UBE3C: variants seen among roughly 807,000 people sequenced by gnomAD.
The protein encoded by UBE3C is ubiquitin-protein ligase E3C.
In UBE3C, 42 loss-of-function variants were observed where a neutral mutation model predicts 129.4. The observed-to-expected ratio is 0.32, with a 90% CI of 0.25 to 0.42. The LOEUF is 0.42. Ranked by LOEUF, UBE3C falls within the 10% of genes least tolerant of loss-of-function variation. The pLI is 1.00. For missense variants in UBE3C, 1,049 were observed against 1,319.1 expected (o/e 0.80, Z 3.17); for synonymous variants, 510 against 492.4 (o/e 1.04, Z -0.47).
At chr7:157,176,060 C>T (rs1279877524) in intron 5 of UBE3C, among the ~76,000 whole-genome samples, 3 of 152,060 alleles carry the variant, frequency 2.0e-5, no homozygotes, top group African/African-American at 7.2e-5. Flanking sequence ...TGCAAAACAC[C>T]TTTAACGTAA....
intron 10 of UBE3C, chr7:157,197,611 G>C (rs1809158706): frequency 2.5e-6 from 4 of 1,602,790 alleles, no homozygotes; most frequent in Non-Finnish European, 3.4e-6. Flanking sequence ...TATTTTAGTT[G>C]ATGGAGTAAC....
intron 17 of UBE3C, among the ~76,000 whole-genome samples, chr7:157,230,841 G>T (rs753615245): frequency 8.6e-5 from 13 of 151,732 alleles, no homozygotes; most frequent in South Asian, 6.3e-4. Context: ...CCAATTCCCT[G>T]AGAGTTTGTG....
chr7:157,206,271 A>AT (rs1039888288), intron 11 of UBE3C, among the ~76,000 whole-genome samples: 3 of 151,948 alleles, frequency 2.0e-5, no homozygotes, highest in African/African-American at 7.2e-5. Context: ...TTATTTATTT[A>AT]TTTTTTTTGG....
chr7:157,158,255 C>A (rs1345580802), intron 1 of UBE3C, among the ~76,000 whole-genome samples: 1 of 151,850 alleles, frequency 6.6e-6, no homozygotes, highest in Non-Finnish European at 1.5e-5. Flanking sequence ...TATAATGAAG[C>A]CTTTTGAAAA....
chr7:157,175,136 A>ATTTTTTTTTT (rs1808481529), intron 5 of UBE3C, 102 bp downstream of exon 5: 16 of 372,896 alleles, frequency 4.3e-5, no homozygotes, highest in Admixed American at 3.4e-4. Flanking sequence ...GCTTTTCCAT[A>ATTTTTTTTTT]CTTTTTTTTT....
At chr7:157,201,423 T>A (rs1219598065) in intron 10 of UBE3C, among the ~76,000 whole-genome samples, 1 of 151,806 alleles carries the variant, frequency 6.6e-6, no homozygotes, top group Admixed American at 6.6e-5. Flanking sequence ...CAGGTTCAAC[T>A]TGTGCATGAA....
At chr7:157,195,870 G>C (rs1380055088) in intron 10 of UBE3C, among the ~76,000 whole-genome samples, 2 of 152,158 alleles carry the variant, frequency 1.3e-5, no homozygotes, top group Non-Finnish European at 2.9e-5. Context: ...TGGAGTGGTG[G>C]CGGGGCGGGG....
intron 11 of UBE3C, among the ~76,000 whole-genome samples, chr7:157,203,712 AAGAC>A (rs1809353024): frequency 6.6e-6 from 1 of 152,210 alleles, no homozygotes; most frequent in Non-Finnish European, 1.5e-5. Context: ...ATCTTATTAA[AAGAC>A]AGTTTGATAA....
intron 1 of UBE3C, among the ~76,000 whole-genome samples, chr7:157,150,409 C>A (rs1032938166): frequency 1.3e-5 from 2 of 151,692 alleles, no homozygotes; most frequent in Non-Finnish European, 2.9e-5. Flanking sequence ...CAAGATATGT[C>A]CCCTCTAATC....
intron 4 of UBE3C, among the ~76,000 whole-genome samples, 190 bp from the exon 5 acceptor site, chr7:157,174,729 C>T (rs1808468925): frequency 6.6e-6 from 1 of 152,138 alleles, no homozygotes; most frequent in Admixed American, 6.5e-5. Context: ...CAGACGTGAA[C>T]CACTGTGCCT....
chr7:157,170,295 T>G lies in UBE3C; in HGVS notation c.196-9T>G. 6.8e-7 allele frequency: 1 copy of G among 1,473,934 alleles called. No homozygotes were observed. Among genetic ancestry groups the G allele is most frequent in the Non-Finnish European group, 9.0e-7 (1 of 1,112,214 alleles). The allele number at this position is 1,473,934 out of a possible 1,614,324, so 91.3% of individuals were successfully genotyped here. ...ATTTATGGGTCATTTTGTTTTGTTT[T>G]TCTTCCAGTATTCCATCCAAAGAAG... On this transcript the variant is annotated splice_polypyrimidine_tract_variant and intron_variant, in intron 3 of 22. Transcript: ENST00000348165.
chr7:157,182,475 AGT>A, intron 8 of UBE3C, 147 bp downstream of exon 8: 1 of 759,552 alleles, frequency 1.3e-6, no homozygotes, highest in Non-Finnish European at 2.1e-6. Context: ...TGGTCTGGGC[AGT>A]GTGTTCCTGG....
chr7:157,242,838 C>T (rs776536173), intron 18 of UBE3C, among the ~76,000 whole-genome samples: 3 of 152,090 alleles, frequency 2.0e-5, no homozygotes, highest in East Asian at 3.9e-4. Context: ...GGGAGAATCA[C>T]GAGGTCAGGA....
chr7:157,259,699 G>GATCA (rs1166090006), intron 22 of UBE3C, among the ~76,000 whole-genome samples: 1 of 152,176 alleles, frequency 6.6e-6, no homozygotes, highest in Non-Finnish European at 1.5e-5. Flanking sequence ...ACACAGAGCG[G>GATCA]GTCAGGGGCT....
In UBE3C at chr7:157,220,710, G is replaced by T. The variant is rs1795714483; in HGVS notation, c.1936G>T (p.Ala646Ser). 2.5e-6 allele frequency: 4 copies of T among 1,614,056 alleles called. No individual in the cohort carries two copies. The highest frequency in any genetic ancestry group is 1.7e-5 in the Admixed American group (1 of 60,004). ...ADKVTQLYVP[A>S]SRHVWRFRRM... ...ACAGGTCACTCAGCTCTATGTGCCA[G>T]CATCCAGACATGTGTGGAGGTTCCG... Residue 646 changes from alanine (A) to serine (S), a missense_variant, in exon 15 of 23, where the codon GCA (alanine) becomes TCA (serine). Ala to Ser is a moderately conservative substitution (Grantham distance 99). Coordinates refer to ENST00000348165, the MANE Select transcript of UBE3C (RefSeq NM_014671.3).
At chr7:157,253,708 T>C (rs1796674712) in intron 19 of UBE3C, among the ~76,000 whole-genome samples, 1 of 152,166 alleles carries the variant, frequency 6.6e-6, no homozygotes, top group Admixed American at 6.5e-5. Context: ...TCCCTAGTGC[T>C]TCGGAGGAAA....
At chr7:157,223,207 A>G in intron 15 of UBE3C, 47 bp from the exon 16 acceptor site, 1 of 1,568,784 alleles carries the variant, frequency 6.4e-7, no homozygotes, top group Admixed American at 1.7e-5. Flanking sequence ...GTGGGAATGC[A>G]GGGGAAAGTA....
At chr7:157,164,681 T>G (rs1473169628) in intron 2 of UBE3C, among the ~76,000 whole-genome samples, 3 of 152,230 alleles carry the variant, frequency 2.0e-5, no homozygotes, top group African/African-American at 4.8e-5. Flanking sequence ...TTTGTTATTT[T>G]AACAATTCAT....
chr7:157,200,635 ATTTATT>A (rs1352266519), intron 10 of UBE3C, among the ~76,000 whole-genome samples: 1 of 152,128 alleles, frequency 6.6e-6, no homozygotes, highest in Non-Finnish European at 1.5e-5. Context: ...TTTAATTTTT[ATTTATT>A]TTTATTGTTT....
Sources: gnomAD v4.1 joint callset for allele counts (sites outside exome capture counted in the v4.1 genomes callset) on GRCh38, gnomAD v4.1.1 for gene constraint, MANE v1.5 for transcripts, NCBI Gene and HGNC (gene_info 2026-07-23, HGNC 2026-07-21) for gene names.